Variants in MACROD2 observed in about 807,000 individuals in gnomAD.
MACROD2 encodes the protein ADP-ribose glycohydrolase MACROD2.
Under a neutral mutation model 70.4 loss-of-function variants are expected in MACROD2, and 36 were observed. That is an observed-to-expected ratio of 0.51 (90% CI 0.39 to 0.68). The LOEUF (loss-of-function observed/expected upper bound fraction) is 0.68, where lower values mean the gene tolerates loss of function less well. Among genes scored for constraint, MACROD2 ranks in the 30% least tolerant of loss-of-function variants. The pLI, the probability that MACROD2 is intolerant of heterozygous loss-of-function variation, is 0.00. For missense variants in MACROD2, 496 were observed against 538.4 expected, an observed-to-expected ratio of 0.92 and a Z score of 0.78; for synonymous variants, 172 against 178.8, an observed-to-expected ratio of 0.96 and a Z score of 0.30.
At chr20:15,885,131 C>G (rs1437209782) in intron 9 of MACROD2, among the ~76,000 whole-genome samples, 1 of 152,070 alleles carries the variant, frequency 6.6e-6, no homozygotes, top group Non-Finnish European at 1.5e-5. Context: ...GACAATGTGT[C>G]AGAAGTTCAA....
At chr20:15,679,674 C>A (rs1177558250) in intron 8 of MACROD2, among the ~76,000 whole-genome samples, 1 of 152,106 alleles carries the variant, frequency 6.6e-6, no homozygotes, top group Non-Finnish European at 1.5e-5. Context: ...GTGGAAAGAC[C>A]ACACAGAGGG....
intron 3 of MACROD2, among the ~76,000 whole-genome samples, chr20:14,189,363 T>C (rs997021885): frequency 3.3e-5 from 5 of 152,210 alleles, no homozygotes; most frequent in African/African-American, 1.2e-4. Context: ...ATATTGCTTT[T>C]TCAAAAGACT....
chr20:14,455,321 G>A (rs1011572607), intron 3 of MACROD2, among the ~76,000 whole-genome samples: 6 of 151,814 alleles, frequency 4.0e-5, no homozygotes, highest in Admixed American at 3.9e-4. Flanking sequence ...ATGTTTAAGA[G>A]CATGGTTCAA....
intron 6 of MACROD2, among the ~76,000 whole-genome samples, chr20:15,296,962 G>A (rs1322260465): frequency 6.6e-6 from 1 of 152,148 alleles, no homozygotes; most frequent in Non-Finnish European, 1.5e-5. Flanking sequence ...CTCGGTTGGG[G>A]AGATTTTTCC....
At chr20:14,438,239 A>G (rs1723630880) in intron 3 of MACROD2, among the ~76,000 whole-genome samples, 1 of 152,136 alleles carries the variant, frequency 6.6e-6, no homozygotes, top group Non-Finnish European at 1.5e-5. Context: ...GTAGCAAATG[A>G]TAGGATCTCC....
intron 15 of MACROD2, among the ~76,000 whole-genome samples, chr20:16,040,759 T>C (rs1163205948): frequency 6.6e-6 from 1 of 151,952 alleles, no homozygotes; most frequent in African/African-American, 2.4e-5. Context: ...ACAAAAACTC[T>C]CACTACCAGG....
chr20:15,428,080 C>T (rs2046321857), intron 6 of MACROD2, among the ~76,000 whole-genome samples: 1 of 152,186 alleles, frequency 6.6e-6, no homozygotes, highest in African/African-American at 2.4e-5. Context: ...GTGGACATCA[C>T]AGCATCCATG....
intron 5 of MACROD2, among the ~76,000 whole-genome samples, chr20:14,694,664 A>C (rs554636713): frequency 6.6e-6 from 1 of 152,302 alleles, no homozygotes; most frequent in South Asian, 2.1e-4. Context: ...CTTTGCCAAT[A>C]AACTTTATGA....
rs928020350 is a variant in MACROD2, at chr20:13,995,573, G to C, written c.-191G>C. 4.5e-6 allele frequency: 3 copies of C among 666,952 alleles called. No homozygotes were observed. The highest frequency in any genetic ancestry group is 8.3e-6 in the Non-Finnish European group (3 of 362,918). 41.3% of individuals were successfully genotyped at this position (666,952 alleles called of 1,614,324 possible). A position where few individuals can be genotyped will look rare whatever the true frequency, so the allele number is the denominator to read the frequency against. On this transcript the variant is annotated 5_prime_UTR_variant, in exon 1 of 18. Coordinates refer to ENST00000684519, the MANE Select transcript of MACROD2 (RefSeq NM_001351661.2). This position sits in a 1 kb window ranked among gnomAD's most constrained non-coding sequence, Gnocchi z 4.3. ...CGCGGGGCTGAGGCGGGTGGGAGCC[G>C]GAGCCGAGCGCGGGCTGAGGGAGGA...
At chr20:15,572,607 G>T (rs1439353969) in intron 8 of MACROD2, among the ~76,000 whole-genome samples, 1 of 152,020 alleles carries the variant, frequency 6.6e-6, no homozygotes, top group Non-Finnish European at 1.5e-5. Context: ...TATACTAACA[G>T]TACAGTTATT....
intron 3 of MACROD2, among the ~76,000 whole-genome samples, chr20:14,426,110 A>T (rs1424940665): frequency 6.6e-6 from 1 of 152,084 alleles, no homozygotes; most frequent in Non-Finnish European, 1.5e-5. Context: ...ACTTTCACTC[A>T]TGTTCTCCCT....
In MACROD2 at chr20:15,770,314, A is replaced by G. The variant is rs1384819301; in HGVS notation, c.646-92431A>G. Among the ~76,000 whole-genome samples the G allele has an allele frequency of 2.6e-5, 4 of 152,032 alleles. No homozygotes were observed. The East Asian group carries it at 5.8e-4, about 22-fold the overall frequency. On this transcript the variant is annotated intron_variant, in intron 8 of 17. Coordinates refer to ENST00000684519, the MANE Select transcript of MACROD2 (RefSeq NM_001351661.2). ...ATGTTTCCTCTATCAGTGGTCATTT[A>G]TAGCCTTTCTAAGTCTAAGGAAGAA...
intron 5 of MACROD2, among the ~76,000 whole-genome samples, chr20:14,771,948 A>G (rs2072174180): frequency 6.6e-6 from 1 of 152,080 alleles, no homozygotes; most frequent in South Asian, 2.1e-4. Flanking sequence ...TTTTCAGGAA[A>G]GACAGTTATC....
At chr20:15,127,564 C>T (rs2076075974) in intron 5 of MACROD2, among the ~76,000 whole-genome samples, 1 of 152,006 alleles carries the variant, frequency 6.6e-6, no homozygotes, top group Non-Finnish European at 1.5e-5. Flanking sequence ...GAGCTGGAGG[C>T]TCTATTTCAA....
At chr20:14,063,820 C>T (rs1393441250) in intron 2 of MACROD2, among the ~76,000 whole-genome samples, 1 of 152,128 alleles carries the variant, frequency 6.6e-6, no homozygotes, top group Non-Finnish European at 1.5e-5. Flanking sequence ...CTTGACCTCC[C>T]AGGCTCAGGT....
At chr20:14,132,646 C>T (rs1569172651) in intron 3 of MACROD2, among the ~76,000 whole-genome samples, 1 of 151,566 alleles carries the variant, frequency 6.6e-6, no homozygotes, top group Admixed American at 6.6e-5. Context: ...CTTTTTCTTT[C>T]TTTTTTTTAG....
intron 5 of MACROD2, among the ~76,000 whole-genome samples, chr20:14,702,480 A>G (rs967195061): frequency 6.6e-6 from 1 of 150,712 alleles, no homozygotes; most frequent in African/African-American, 2.4e-5. Flanking sequence ...TTAACTGTAC[A>G]CAAATGGCCT....
chr20:15,335,586 T>A (rs760468771), intron 6 of MACROD2, among the ~76,000 whole-genome samples: 1 of 151,850 alleles, frequency 6.6e-6, no homozygotes, highest in African/African-American at 2.4e-5. Flanking sequence ...GTAAATATTA[T>A]AATAAATACA....
At chr20:15,460,370 G>A (rs898742946) in intron 7 of MACROD2, among the ~76,000 whole-genome samples, 1 of 152,154 alleles carries the variant, frequency 6.6e-6, no homozygotes, top group Admixed American at 6.5e-5. Flanking sequence ...TGTAGCACCT[G>A]AGAACCAGGC....
Sources: allele counts gnomAD v4.1 joint callset (sites outside exome capture counted in the v4.1 genomes callset), GRCh38; gene constraint gnomAD v4.1.1; non-coding constraint Gnocchi (gnomAD v3.1); transcripts MANE v1.5; gene names NCBI Gene and HGNC (gene_info 2026-07-23, HGNC 2026-07-21).